RASSF3: variants seen among roughly 807,000 people sequenced by gnomAD.
RASSF3 encodes ras association domain-containing protein 3.
RASSF3 carries 19 observed loss-of-function variants against 19.9 expected under a neutral mutation model. The observed-to-expected ratio is 0.96, with a 90% CI of 0.67 to 1.40. The LOEUF (loss-of-function observed/expected upper bound fraction) is 1.40. Ranked by LOEUF, RASSF3 falls within the 40% of genes most tolerant of loss-of-function variation. RASSF3 has a pLI of 0.00. For synonymous variants in RASSF3, 110 were observed against 104.2 expected (o/e 1.06, Z -0.34); for missense variants, 306 against 289.8 (o/e 1.06, Z -0.41).
chr12:64,564,234 C>T (rs2136126927), intron 2 of RASSF3, among the ~76,000 whole-genome samples: 1 of 152,332 alleles, frequency 6.6e-6, no homozygotes, highest in Admixed American at 6.5e-5. Context: ...ATGGAGTCTG[C>T]ATAATTTCTA....
chr12:64,681,443 G>A (rs1873123238), intron 1 of RASSF3, among the ~76,000 whole-genome samples: 1 of 152,162 alleles, frequency 6.6e-6, no homozygotes, highest in South Asian at 2.1e-4. Flanking sequence ...CAAGGCACAG[G>A]GTTAGTTGGT....
At chr12:64,601,187 G>A (rs1414925071) in intron 2 of RASSF3, among the ~76,000 whole-genome samples, 1 of 152,112 alleles carries the variant, frequency 6.6e-6, no homozygotes, top group Non-Finnish European at 1.5e-5. Flanking sequence ...TACTCGGGAG[G>A]CTGAAGCAGA....
intron 1 of RASSF3, among the ~76,000 whole-genome samples, chr12:64,633,067 T>G (rs567617897): frequency 6.6e-6 from 1 of 152,050 alleles, no homozygotes; most frequent in Non-Finnish European, 1.5e-5. Flanking sequence ...GCTCTATTTG[T>G]TTTTTTTCCT....
intron 1 of RASSF3, among the ~76,000 whole-genome samples, chr12:64,511,709 A>G (rs1868329272): frequency 6.6e-6 from 1 of 152,160 alleles, no homozygotes; most frequent in African/African-American, 2.4e-5. Context: ...CTAATGCCCA[A>G]TCAAATATTG....
chr12:64,632,718 A>G (rs1454318368), intron 1 of RASSF3, among the ~76,000 whole-genome samples: 2 of 152,154 alleles, frequency 1.3e-5, no homozygotes, highest in African/African-American at 2.4e-5. Context: ...TTTAGGGCCT[A>G]TACGCAACAT....
At chr12:64,581,955 C>A (rs1482965349) in intron 2 of RASSF3, among the ~76,000 whole-genome samples, 1 of 152,004 alleles carries the variant, frequency 6.6e-6, no homozygotes, top group Non-Finnish European at 1.5e-5. Flanking sequence ...TCAGCCTTGA[C>A]CTTCCAGGCT....
intron 1 of RASSF3, among the ~76,000 whole-genome samples, chr12:64,671,368 G>A (rs1478325581): frequency 6.6e-6 from 1 of 152,138 alleles, no homozygotes; most frequent in Non-Finnish European, 1.5e-5. Flanking sequence ...CCTGCAGGGG[G>A]ATCTGCCTCC....
At chr12:64,512,941 T>C (rs1868337296) in intron 1 of RASSF3, among the ~76,000 whole-genome samples, 1 of 152,140 alleles carries the variant, frequency 6.6e-6, no homozygotes, top group Non-Finnish European at 1.5e-5. Context: ...ACTAAAGACA[T>C]TGCTTCTAAG....
At position 64,625,608 on chromosome 12, in the gene RASSF3, C is replaced by A. The variant is rs542145800; in HGVS notation, c.111+14865C>A. ...AAGTCTTGTGCTCATGGTTTAGGAA[C>A]TTAGTCACTGTCGTCTTTCTGGTTT... is the stretch of plus-strand genomic sequence containing the variant. On this transcript the variant is annotated intron_variant, in intron 1 of 4. Transcript: ENST00000542104. 2.6e-5 allele frequency among the ~76,000 whole-genome samples: 4 copies of A among 152,226 alleles called. No individual in the cohort carries two copies. In the South Asian group the frequency reaches 8.3e-4, roughly 32 times the overall value.
In RASSF3 at chr12:64,691,573, T is replaced by C; in HGVS notation, c.561T>C (p.Ile187=). ...TLSFVLREHE[I]GEWEAFSLPE... ...GTTTTGTTCTTCGTGAACATGAAAT[T>C]GGAGAGGTAAGTTATTGTTCACTAT... The change falls in exon 4 of 5, where the codon ATT becomes ATC. Residue 187 remains isoleucine (I), a synonymous_variant. Transcript: ENST00000542104. The C allele has an allele frequency of 6.3e-7, 1 of 1,575,142 alleles. No homozygotes were observed. Among genetic ancestry groups the C allele is most frequent in the Non-Finnish European group, 8.7e-7 (1 of 1,155,118 alleles).
chr12:64,655,237 G>T (rs1360908621), intron 1 of RASSF3, among the ~76,000 whole-genome samples: 1 of 152,146 alleles, frequency 6.6e-6, no homozygotes, highest in Non-Finnish European at 1.5e-5. Flanking sequence ...CTTTTTGAAG[G>T]CCTGTGATAT....
intron 2 of RASSF3, among the ~76,000 whole-genome samples, chr12:64,602,570 ACT>A (rs774870522): frequency 6.7e-6 from 1 of 149,948 alleles, no homozygotes; most frequent in Non-Finnish European, 1.5e-5. Flanking sequence ...CCAGAGCGAG[ACT>A]CCATCTCAAA....
rs371454483 is a variant in RASSF3 at position 64,579,374 on chromosome 12, GTCTC to G, written c.294+37675_294+37678del. ...TTTTTTTTTTTTTTTTTGAGACGGAGTCTCTCTCTGTCTGTCGCCCAGGCTGGAG... is the reference window on the plus strand; with the variant it reads ...TTTTTTTTTTTTTTTTTGAGACGGAGTCTCTGTCTGTCGCCCAGGCTGGAG... On this transcript the variant is annotated intron_variant, in intron 2 of 5. Coordinates refer to the RASSF3 transcript ENST00000637125. 1.1e-3 allele frequency among the ~76,000 whole-genome samples: 142 copies of G among 133,968 alleles called. 2 individuals are homozygous for G. The East Asian group carries it at 0.028, about 26-fold the overall frequency. The allele number at this position is 133,968 out of a possible 152,430, so 87.9% of individuals were successfully genotyped here.
intron 2 of RASSF3, among the ~76,000 whole-genome samples, chr12:64,563,778 C>T (rs1195071803): frequency 1.3e-5 from 2 of 152,236 alleles, no homozygotes; most frequent in Non-Finnish European, 2.9e-5. Context: ...CAAATGTCAT[C>T]TCTCAATGAG....
intron 1 of RASSF3, among the ~76,000 whole-genome samples, chr12:64,668,746 A>C (rs1334007766): frequency 7.0e-6 from 1 of 143,558 alleles, no homozygotes; most frequent in Non-Finnish European, 1.5e-5. Context: ...CAGTGGCGCG[A>C]TCTCGGCTCA....
At chr12:64,547,496 G>A (rs1283622436) in intron 2 of RASSF3, among the ~76,000 whole-genome samples, 1 of 152,146 alleles carries the variant, frequency 6.6e-6, no homozygotes, top group East Asian at 1.9e-4. Context: ...GAACGCAGGA[G>A]GCGGAGGTTG....
chr12:64,531,028 C>T (rs552835551), upstream of RASSF3, among the ~76,000 whole-genome samples: 18 of 152,162 alleles, frequency 1.2e-4, no homozygotes, highest in South Asian at 2.1e-4. Context: ...TATCTTTTGA[C>T]GAGTAGTTCC....
intron 2 of RASSF3, among the ~76,000 whole-genome samples, chr12:64,576,468 T>C (rs777393816): frequency 3.3e-5 from 5 of 152,102 alleles, no homozygotes; most frequent in Non-Finnish European, 7.4e-5. Flanking sequence ...ATCTCTAAGA[T>C]CTTGGGGGTA....
intron 2 of RASSF3, among the ~76,000 whole-genome samples, chr12:64,550,810 G>A: frequency 1.1e-5 from 1 of 89,470 alleles, no homozygotes; most frequent in Non-Finnish European, 2.0e-5. Flanking sequence ...GAGGGAGAGA[G>A]ACTCCATCTC....
Sources: gnomAD v4.1 joint callset for allele counts (sites outside exome capture counted in the v4.1 genomes callset) on GRCh38, gnomAD v4.1.1 for gene constraint, MANE v1.5 for transcripts, NCBI Gene and HGNC (gene_info 2026-07-23, HGNC 2026-07-21) for gene names.